MYT1L: variants seen among roughly 807,000 people sequenced by gnomAD.
MYT1L encodes the protein myelin transcription factor 1 like, also known as myelin transcription factor 1-like protein.
In MYT1L, 12 loss-of-function variants were observed where a neutral mutation model predicts 126.7. The observed-to-expected ratio is 0.09, with a 90% CI of 0.06 to 0.15. The LOEUF (loss-of-function observed/expected upper bound fraction) is 0.15. Ranked by LOEUF, MYT1L falls within the 10% of genes least tolerant of loss-of-function variation. The pLI, the probability that MYT1L is intolerant of heterozygous loss-of-function variation, is 1.00. For synonymous variants in MYT1L, 541 were observed against 604.2 expected, an observed-to-expected ratio of 0.90 and a Z score of 1.53; for missense variants, 979 against 1,585.2, an observed-to-expected ratio of 0.62 and a Z score of 6.49.
intron 4 of MYT1L, among the ~76,000 whole-genome samples, chr2:2,048,473 G>T (rs2068441689): frequency 6.6e-6 from 1 of 152,100 alleles, no homozygotes; most frequent in Non-Finnish European, 1.5e-5. Context: ...GGACCTGTGG[G>T]GCACCTGACA....
At chr2:2,281,038 T>C (rs1249920702) in intron 2 of MYT1L, among the ~76,000 whole-genome samples, 1 of 152,228 alleles carries the variant, frequency 6.6e-6, no homozygotes, top group East Asian at 1.9e-4. Context: ...AAATCTCATC[T>C]TGAATTGTAG....
At chr2:1,812,972 A>G (rs2036922134) in intron 21 of MYT1L, among the ~76,000 whole-genome samples, 1 of 151,978 alleles carries the variant, frequency 6.6e-6, no homozygotes, top group South Asian at 2.1e-4. Flanking sequence ...AGAGGTCCTA[A>G]GACTGTGACT....
rs1201145282 is a variant in MYT1L at position 1,793,278 on chromosome 2, G to T, written c.3277-814C>A. On this transcript the variant is annotated intron_variant, in intron 23 of 24. Coordinates refer to ENST00000647738, the MANE Select transcript of MYT1L (RefSeq NM_001303052.2). The surrounding 1 kb of genome is among the most constrained non-coding windows in gnomAD (Gnocchi z 4.6). ...ACCAAGGTCAAGGGGCTTGAGTTCA[G>T]GGCCTCTGCCTATAACCGCACAGGA... 6.6e-6 allele frequency among the ~76,000 whole-genome samples: 1 copy of T among 152,220 alleles called. No homozygotes were observed. The highest frequency in any genetic ancestry group is 1.9e-4 in the East Asian group (1 of 5,188).
chr2:2,278,667 G>T (rs904668445), intron 2 of MYT1L, among the ~76,000 whole-genome samples: 4 of 152,114 alleles, frequency 2.6e-5, no homozygotes, highest in African/African-American at 9.7e-5. Flanking sequence ...ACATACTTAA[G>T]AAATCAACAG....
At chr2:1,920,596 ACATAAGC>A (rs2053446410) in intron 10 of MYT1L, among the ~76,000 whole-genome samples, 1 of 152,198 alleles carries the variant, frequency 6.6e-6, no homozygotes, top group Admixed American at 6.5e-5. Flanking sequence ...GGAGTCTAAA[ACATAAGC>A]CTAAAATATA....
At chr2:2,194,400 C>T (rs536626651) in intron 2 of MYT1L, among the ~76,000 whole-genome samples, 41 of 152,094 alleles carry the variant, frequency 2.7e-4, no homozygotes, top group Non-Finnish European at 4.9e-4. Flanking sequence ...CTTTAGAACA[C>T]GACAGAAACT....
chr2:2,240,447 C>T (rs1028458828), intron 2 of MYT1L, among the ~76,000 whole-genome samples: 1 of 151,850 alleles, frequency 6.6e-6, no homozygotes, highest in Non-Finnish European at 1.5e-5. Context: ...CAATGGATAA[C>T]AACATGGCAA....
chr2:2,303,140 T>G (rs2095809463), intron 1 of MYT1L, among the ~76,000 whole-genome samples: 1 of 152,194 alleles, frequency 6.6e-6, no homozygotes, highest in South Asian at 2.1e-4. Flanking sequence ...TTCACAAACA[T>G]TATCTTCTTG....
intron 8 of MYT1L, among the ~76,000 whole-genome samples, chr2:1,957,803 G>A (rs1372109108): frequency 6.6e-6 from 1 of 151,766 alleles, no homozygotes; most frequent in Non-Finnish European, 1.5e-5. Context: ...CCAGTCTCCA[G>A]GGAGCACCAG....
At chr2:1,792,804 A>G (rs2032419143) in intron 23 of MYT1L, among the ~76,000 whole-genome samples, 1 of 134,014 alleles carries the variant, frequency 7.5e-6, no homozygotes, top group Non-Finnish European at 1.6e-5. Context: ...CGAGAGGCGG[A>G]GGTTGCAGTG....
At chr2:2,085,452 C>T (rs758794136) in intron 3 of MYT1L, among the ~76,000 whole-genome samples, 2 of 152,164 alleles carry the variant, frequency 1.3e-5, no homozygotes, top group Non-Finnish European at 2.9e-5. Flanking sequence ...CAAATGCACC[C>T]TTCTACATTA....
intron 8 of MYT1L, among the ~76,000 whole-genome samples, chr2:1,970,480 C>A (rs964770402): frequency 1.3e-5 from 2 of 151,030 alleles, no homozygotes; most frequent in Non-Finnish European, 3.0e-5. Context: ...GGGTGCACAC[C>A]CCTGAGTAGT....
intron 3 of MYT1L, among the ~76,000 whole-genome samples, chr2:2,093,181 A>T (rs553505755): frequency 8.9e-4 from 136 of 152,206 alleles, no homozygotes; most frequent in African/African-American, 3.2e-3. Flanking sequence ...AAATCTTTTT[A>T]AAAAAGATTA....
intron 2 of MYT1L, among the ~76,000 whole-genome samples, chr2:2,263,649 AGGT>A (rs1214630106): frequency 1.3e-5 from 2 of 152,104 alleles, no homozygotes; most frequent in Non-Finnish European, 2.9e-5. Flanking sequence ...GGATCCTGGC[AGGT>A]GGCACAGAAG....
chr2:2,286,844 G>A (rs1464216978), intron 1 of MYT1L, among the ~76,000 whole-genome samples: 2 of 152,196 alleles, frequency 1.3e-5, no homozygotes, highest in Non-Finnish European at 2.9e-5. Flanking sequence ...AAGGCGGGAA[G>A]GGTGCGCGAA....
chr2:2,179,549 T>C (rs1171510014), intron 2 of MYT1L, among the ~76,000 whole-genome samples: 1 of 152,208 alleles, frequency 6.6e-6, no homozygotes, highest in East Asian at 1.9e-4. Context: ...ACACGTGTAT[T>C]CCAATTTAAA....
intron 3 of MYT1L, among the ~76,000 whole-genome samples, chr2:2,135,421 T>C (rs2082924435): frequency 6.6e-6 from 1 of 152,222 alleles, no homozygotes; most frequent in South Asian, 2.1e-4. Context: ...CCATTAAACC[T>C]CTTTCCTTTA....
intron 12 of MYT1L, 29 bp downstream of exon 12, chr2:1,911,991 C>T (rs1322736431): frequency 1.3e-6 from 2 of 1,542,244 alleles, no homozygotes; most frequent in Non-Finnish European, 1.8e-6. Flanking sequence ...GGTGCTCCCT[C>T]CCACACCAGT....
chr2:2,179,131 C>T (rs1238011174), intron 2 of MYT1L, among the ~76,000 whole-genome samples: 1 of 152,178 alleles, frequency 6.6e-6, no homozygotes, highest in Non-Finnish European at 1.5e-5. Flanking sequence ...CACACACATC[C>T]CTGGCCAGCA....
Sources: gnomAD v4.1 joint callset for allele counts (sites outside exome capture counted in the v4.1 genomes callset) on GRCh38, gnomAD v4.1.1 for gene constraint, Gnocchi (gnomAD v3.1) non-coding constraint, MANE v1.5 for transcripts, NCBI Gene and HGNC (gene_info 2026-07-23, HGNC 2026-07-21) for gene names.